Variants in PCDH15 observed in about 807,000 individuals in gnomAD.
PCDH15 encodes the protein protocadherin related 15, also known as protocadherin-15.
Under a neutral mutation model 178.5 loss-of-function variants are expected in PCDH15, and 129 were observed. That is an observed-to-expected ratio of 0.72 (90% CI 0.63 to 0.84). PCDH15 has a LOEUF of 0.84. PCDH15 is among the 40% of genes least tolerant of loss of function. PCDH15 has a pLI of 0.00. For missense variants in PCDH15, 2,230 were observed against 2,099.9 expected (o/e 1.06, Z -1.21); for synonymous variants, 800 against 732.0 (o/e 1.09, Z -1.50).
chr10:54,960,275 A>C (rs1220887717), intron 2 of PCDH15, among the ~76,000 whole-genome samples: 1 of 152,210 alleles, frequency 6.6e-6, no homozygotes, highest in Admixed American at 6.5e-5. Flanking sequence ...TAATATAGAA[A>C]TAAAAATACC....
intron 33 of PCDH15, 82 bp downstream of exon 33, chr10:53,820,083 A>G: frequency 2.5e-6 from 1 of 396,134 alleles, no homozygotes; most frequent in East Asian, 3.6e-5. Context: ...GAAATTATAA[A>G]TTTTACATTT....
intron 2 of PCDH15, among the ~76,000 whole-genome samples, chr10:55,604,164 G>A (rs1179468796): frequency 9.5e-6 from 1 of 105,298 alleles, no homozygotes; most frequent in Non-Finnish European, 1.9e-5. Context: ...TTACATAATG[G>A]TAAAGGGATC....
chr10:55,010,900 T>C (rs2131942671), intron 2 of PCDH15, among the ~76,000 whole-genome samples: 1 of 152,220 alleles, frequency 6.6e-6, no homozygotes, highest in Non-Finnish European at 1.5e-5. Flanking sequence ...CAATAGTGCT[T>C]CCCTTGTTCT....
intron 2 of PCDH15, among the ~76,000 whole-genome samples, chr10:54,949,745 A>G (rs1352469657): frequency 6.6e-6 from 1 of 151,822 alleles, no homozygotes; most frequent in Non-Finnish European, 1.5e-5. Context: ...TCCACCAGAC[A>G]CCCTAAATCA....
At chr10:55,013,683 G>A (rs1186969589) in intron 2 of PCDH15, among the ~76,000 whole-genome samples, 2 of 151,944 alleles carry the variant, frequency 1.3e-5, no homozygotes, top group Non-Finnish European at 2.9e-5. Context: ...TTAAATTGTT[G>A]TGTGATTATT....
chr10:53,995,454 T>C (rs1589820682), intron 21 of PCDH15, 195 bp downstream of exon 21: 1 of 916,806 alleles, frequency 1.1e-6, no homozygotes, highest in Non-Finnish European at 1.6e-6. Flanking sequence ...GCATATTCTT[T>C]GTCTAGGTTC....
intron 2 of PCDH15, among the ~76,000 whole-genome samples, chr10:55,060,116 C>T (rs1841394046): frequency 6.6e-6 from 1 of 152,114 alleles, no homozygotes; most frequent in East Asian, 1.9e-4. Context: ...TAAAGCACTA[C>T]AGTCTCATAT....
intron 3 of PCDH15, among the ~76,000 whole-genome samples, chr10:54,475,806 C>G: frequency 6.6e-6 from 1 of 151,244 alleles, no homozygotes; most frequent in East Asian, 2.0e-4. Flanking sequence ...TGAATTATTT[C>G]AAAAGTGGTA....
At chr10:54,646,840 A>G (rs2094139361) in intron 2 of PCDH15, among the ~76,000 whole-genome samples, 1 of 152,108 alleles carries the variant, frequency 6.6e-6, no homozygotes, top group Non-Finnish European at 1.5e-5. Flanking sequence ...AAAACAAAAG[A>G]CAAGTGTTGG....
intron 3 of PCDH15, among the ~76,000 whole-genome samples, chr10:54,469,290 T>A (rs1222526663): frequency 6.6e-6 from 1 of 152,116 alleles, no homozygotes; most frequent in Non-Finnish European, 1.5e-5. Flanking sequence ...TGAGACCAGA[T>A]TTTACTATGT....
intron 2 of PCDH15, among the ~76,000 whole-genome samples, chr10:55,125,630 T>C (rs1231281116): frequency 1.3e-5 from 2 of 152,012 alleles, no homozygotes; most frequent in South Asian, 4.1e-4. Context: ...TCTATATCCA[T>C]TACGAGAGAA....
intron 14 of PCDH15, among the ~76,000 whole-genome samples, chr10:54,133,651 C>A (rs2042635288): frequency 6.6e-6 from 1 of 151,988 alleles, no homozygotes; most frequent in Non-Finnish European, 1.5e-5. Flanking sequence ...GGACAAGATA[C>A]CTTATCATTA....
intron 2 of PCDH15, among the ~76,000 whole-genome samples, chr10:54,637,919 G>GA (rs1440508096): frequency 6.6e-6 from 1 of 152,070 alleles, no homozygotes; most frequent in Non-Finnish European, 1.5e-5. Context: ...TAGAACATCT[G>GA]AAACAGATGA....
At chr10:54,381,059 AAAAAGAAAAAAAAAAGCCTCTC>A (rs1949174655) in intron 3 of PCDH15, among the ~76,000 whole-genome samples, 1 of 151,618 alleles carries the variant, frequency 6.6e-6, no homozygotes, top group African/African-American at 2.4e-5. Flanking sequence ...TTGTATTGCC[AAAAAGAAAAAAAAAAGCCTCTC>A]AAATTTTCAT....
chr10:54,155,742 A>G (rs1379250294), intron 13 of PCDH15, among the ~76,000 whole-genome samples: 1 of 150,192 alleles, frequency 6.7e-6, no homozygotes, highest in Non-Finnish European at 1.5e-5. Flanking sequence ...GGTTGCAGTG[A>G]CCTGAGATCA....
chr10:55,165,787 C>T (rs993010887), intron 2 of PCDH15, among the ~76,000 whole-genome samples: 1 of 151,884 alleles, frequency 6.6e-6, no homozygotes, highest in African/African-American at 2.4e-5. Flanking sequence ...TATATTTCTT[C>T]TTTAATAATA....
intron 1 of PCDH15, among the ~76,000 whole-genome samples, chr10:55,256,334 G>C (rs2489227): frequency 0.85 from 128,712 of 152,102 alleles, 55,104 homozygotes; most frequent in East Asian, 0.96. Flanking sequence ...ATTTCCAACT[G>C]AGGTACCGGG....
intron 27 of PCDH15, among the ~76,000 whole-genome samples, chr10:53,861,398 C>T (rs895764598): frequency 6.6e-6 from 1 of 152,022 alleles, no homozygotes; most frequent in Non-Finnish European, 1.5e-5. Context: ...AGAGAAATAA[C>T]ATTTGTGAAG....
intron 5 of PCDH15, among the ~76,000 whole-genome samples, chr10:54,358,383 T>A (rs1945399233): frequency 6.6e-6 from 1 of 151,988 alleles, no homozygotes; most frequent in South Asian, 2.1e-4. Flanking sequence ...AAAGAAGACA[T>A]TTATGCAGCC....
Sources: gnomAD v4.1 joint callset for allele counts (sites outside exome capture counted in the v4.1 genomes callset) on GRCh38, gnomAD v4.1.1 for gene constraint, MANE v1.5 for transcripts, NCBI Gene and HGNC (gene_info 2026-07-23, HGNC 2026-07-21) for gene names.